IQCJ: variants seen among roughly 807,000 people sequenced by gnomAD.
IQCJ encodes the protein IQ domain-containing protein J.
A neutral mutation model predicts 11.0 loss-of-function variants in IQCJ; 9 were observed. The ratio of observed to expected loss-of-function variants is 0.82; its 90% CI spans 0.49 to 1.43. The LOEUF (loss-of-function observed/expected upper bound fraction) is 1.43. Ranked by LOEUF, IQCJ falls within the 40% of genes most tolerant of loss-of-function variation. IQCJ has a pLI of 0.00. For missense variants in IQCJ, 146 were observed against 133.2 expected (o/e 1.10, Z -0.47); for synonymous variants, 55 against 51.3 (o/e 1.07, Z -0.31).
intron 1 of IQCJ, among the ~76,000 whole-genome samples, chr3:159,116,552 G>T (rs942585297): frequency 6.9e-6 from 1 of 144,246 alleles, no homozygotes; most frequent in Non-Finnish European, 1.5e-5. Context: ...TGTAGAATCT[G>T]TTAACATGCA....
chr3:159,247,810 G>A (rs1219605588), intron 2 of IQCJ, among the ~76,000 whole-genome samples: 1 of 152,138 alleles, frequency 6.6e-6, no homozygotes, highest in East Asian at 1.9e-4. Context: ...GGTTTTTATG[G>A]CTTGCATCAT....
At position 159,252,773 on chromosome 3, in the gene IQCJ, C is replaced by T. The variant is rs1217704814; in HGVS notation, c.121C>T (p.Leu41Phe). 16 of 1,612,502 alleles carry T rather than the reference C, an allele frequency of 9.9e-6. No individual in the cohort carries two copies. The highest frequency in any genetic ancestry group is 1.4e-5 in the Non-Finnish European group (16 of 1,179,256). Residue 41 changes from leucine to phenylalanine, a missense_variant, in exon 3 of 4, where the codon CTC becomes TTC. Physicochemically the swap from Leu to Phe is conservative, Grantham distance 22 (BLOSUM62 0). Transcript: ENST00000397832. ...DAENNIEKYP[L>F]NLQPLESKVK... ...AGAGAATAATATTGAAAAGTATCCCCTCAATCTACAGCCCTTGGAATCAAA... is the reference window on the plus strand; with the variant it reads ...AGAGAATAATATTGAAAAGTATCCCTTCAATCTACAGCCCTTGGAATCAAA...
chr3:159,093,677 G>T (rs1236627882), intron 1 of IQCJ, among the ~76,000 whole-genome samples: 23 of 151,826 alleles, frequency 1.5e-4, no homozygotes, highest in Non-Finnish European at 1.3e-4. Flanking sequence ...AAGGAAAGAG[G>T]TTTAATTGAC....
chr3:159,113,505 A>G (rs1718762398), intron 1 of IQCJ, among the ~76,000 whole-genome samples: 1 of 152,354 alleles, frequency 6.6e-6, no homozygotes, highest in South Asian at 2.1e-4. Context: ...ATATTCTTAC[A>G]GGGACATTCC....
At chr3:159,189,078 C>T (rs189452029) in intron 1 of IQCJ, among the ~76,000 whole-genome samples, 1 of 152,214 alleles carries the variant, frequency 6.6e-6, no homozygotes, top group East Asian at 1.9e-4. Context: ...ATGCAAGCCT[C>T]TGTAAGGTTC....
chr3:159,101,321 C>G (rs1022172872), intron 1 of IQCJ, among the ~76,000 whole-genome samples: 1 of 151,828 alleles, frequency 6.6e-6, no homozygotes, highest in African/African-American at 2.4e-5. Flanking sequence ...GCAGAAATCA[C>G]CGTCTTCTGC....
Position 159,114,929 on chromosome 3 carries a change from G to A in IQCJ, c.9+45488G>A, listed in dbSNP as rs534322782. 4.6e-5 allele frequency among the ~76,000 whole-genome samples: 7 copies of A among 150,814 alleles called. No individual in the cohort carries two copies. The South Asian group carries it at 1.5e-3, about 31-fold the overall frequency. ...TCAGGTTTCCTGCCCCCCTGCCCCC[G>A]GGGCTAGTGAGGAAGGGTTAGTGTG... On this transcript the variant is annotated intron_variant, in intron 1 of 3. Coordinates refer to ENST00000397832, the MANE Select transcript of IQCJ (RefSeq NM_001042706.3).
intron 1 of IQCJ, among the ~76,000 whole-genome samples, chr3:159,130,672 A>G (rs1014997996): frequency 1.3e-5 from 2 of 152,194 alleles, no homozygotes; most frequent in African/African-American, 2.4e-5. Flanking sequence ...TTTCACAAAT[A>G]TTTATAGAGC....
intron 1 of IQCJ, among the ~76,000 whole-genome samples, chr3:159,094,844 A>G (rs1172231109): frequency 6.6e-6 from 1 of 151,882 alleles, no homozygotes; most frequent in Non-Finnish European, 1.5e-5. Context: ...TGGTTGATGT[A>G]ACTTCATTCT....
At chr3:159,119,594 G>A (rs771686074) in intron 1 of IQCJ, among the ~76,000 whole-genome samples, 15 of 152,126 alleles carry the variant, frequency 9.9e-5, no homozygotes, top group Admixed American at 2.0e-4. Context: ...TATATAGAGA[G>A]CACTTTGGAA....
intron 1 of IQCJ, among the ~76,000 whole-genome samples, chr3:159,242,049 T>C (rs2595232): frequency 0.33 from 50,274 of 152,044 alleles, 9,376 homozygotes; most frequent in Non-Finnish European, 0.43. Flanking sequence ...ACAGAATTAA[T>C]GTTCTGTGTA....
intron 3 of IQCJ, among the ~76,000 whole-genome samples, chr3:159,257,641 A>G (rs944758569): frequency 2.6e-5 from 4 of 152,202 alleles, no homozygotes; most frequent in African/African-American, 9.6e-5. Context: ...GTGGCCCCGT[A>G]TTGACATTTG....
At chr3:159,250,969 A>T (rs939529894) in intron 2 of IQCJ, among the ~76,000 whole-genome samples, 1 of 152,190 alleles carries the variant, frequency 6.6e-6, no homozygotes, top group East Asian at 1.9e-4. Context: ...TTTATCCTCC[A>T]TGCTTTGCAT....
chr3:159,103,516 A>G (rs941291821), intron 1 of IQCJ, among the ~76,000 whole-genome samples: 27 of 152,242 alleles, frequency 1.8e-4, no homozygotes, highest in African/African-American at 5.5e-4. Context: ...CTGCTCATCT[A>G]AAGAGCAAAC....
chr3:159,153,064 G>T (rs1273101977), intron 1 of IQCJ, among the ~76,000 whole-genome samples: 7 of 152,094 alleles, frequency 4.6e-5, no homozygotes, highest in African/African-American at 1.7e-4. Context: ...ATGTTTAAGG[G>T]TCAGAGAAGT....
At chr3:159,137,966 C>T (rs1202588103) in intron 1 of IQCJ, among the ~76,000 whole-genome samples, 4 of 152,088 alleles carry the variant, frequency 2.6e-5, no homozygotes, top group African/African-American at 9.7e-5. Flanking sequence ...ATATAAAATG[C>T]AAATTACAAT....
chr3:159,138,790 A>G (rs1014493053), intron 1 of IQCJ, among the ~76,000 whole-genome samples: 3 of 152,204 alleles, frequency 2.0e-5, no homozygotes, highest in Non-Finnish European at 4.4e-5. Context: ...AGATGAGAAT[A>G]TTCCCTTTTG....
At chr3:159,217,091 C>T (rs1725280019) in intron 1 of IQCJ, among the ~76,000 whole-genome samples, 3 of 152,090 alleles carry the variant, frequency 2.0e-5, no homozygotes, top group Admixed American at 1.3e-4. Context: ...TTATCCCTGG[C>T]TGCACAGGTT....
chr3:159,196,543 A>G (rs2108053527), intron 1 of IQCJ, among the ~76,000 whole-genome samples: 1 of 152,342 alleles, frequency 6.6e-6, no homozygotes, highest in East Asian at 1.9e-4. Flanking sequence ...ATATGCAGCC[A>G]CATTTGAGAA....
Sources: allele counts gnomAD v4.1 joint callset (sites outside exome capture counted in the v4.1 genomes callset), GRCh38; gene constraint gnomAD v4.1.1; transcripts MANE v1.5; gene names NCBI Gene and HGNC (gene_info 2026-07-23, HGNC 2026-07-21).